GAB2: variants seen among roughly 807,000 people sequenced by gnomAD.
GAB2 encodes GRB2-associated-binding protein 2.
A neutral mutation model predicts 65.5 loss-of-function variants in GAB2; 26 were observed. That is an observed-to-expected ratio of 0.40 (90% CI 0.29 to 0.55). The LOEUF is 0.55. GAB2 is among the 20% of genes least tolerant of loss of function. The probability of loss-of-function intolerance (pLI) is 0.53; values close to 1 mark genes in which losing one functional copy is unlikely to be tolerated. For missense variants in GAB2, 884 were observed against 875.8 expected (o/e 1.01, Z -0.12); for synonymous variants, 321 against 329.6 (o/e 0.97, Z 0.28).
intron 1 of GAB2, among the ~76,000 whole-genome samples, chr11:78,299,234 G>C (rs529796155): frequency 6.6e-6 from 1 of 152,202 alleles, no homozygotes; most frequent in Non-Finnish European, 1.5e-5. Context: ...GATTCCAGCT[G>C]TCTTTGAAAT....
At chr11:78,278,360 G>A (rs539887366) in intron 2 of GAB2, among the ~76,000 whole-genome samples, 2 of 151,660 alleles carry the variant, frequency 1.3e-5, no homozygotes, top group South Asian at 2.1e-4. Context: ...GTGAGTCACC[G>A]TGCCCAGTCT....
intron 2 of GAB2, among the ~76,000 whole-genome samples, chr11:78,252,110 C>T (rs993184209): frequency 4.6e-5 from 7 of 152,244 alleles, no homozygotes; most frequent in Admixed American, 1.3e-4. Context: ...TCACCTTCTA[C>T]GCCCTGTCAT....
intron 3 of GAB2, among the ~76,000 whole-genome samples, chr11:78,245,013 T>C (rs960116130): frequency 6.6e-6 from 1 of 152,212 alleles, no homozygotes; most frequent in Non-Finnish European, 1.5e-5. Context: ...TTAGTCACGA[T>C]AGCCAAGATA....
intron 1 of GAB2, among the ~76,000 whole-genome samples, chr11:78,318,775 A>C (rs1274468528): frequency 6.6e-6 from 1 of 152,150 alleles, no homozygotes; most frequent in Non-Finnish European, 1.5e-5. Flanking sequence ...ACTGGCATAA[A>C]AGTTAATCTG....
chr11:78,252,191 A>T (rs1453475494), intron 2 of GAB2, among the ~76,000 whole-genome samples: 1 of 152,204 alleles, frequency 6.6e-6, no homozygotes. Flanking sequence ...GCTCTACAGT[A>T]TTAATTACTC....
chr11:78,335,997 A>G (rs958930019), intron 1 of GAB2, among the ~76,000 whole-genome samples: 2 of 152,036 alleles, frequency 1.3e-5, no homozygotes, highest in African/African-American at 2.4e-5. Flanking sequence ...TGTGGCTACT[A>G]TAAATGGGAT....
At chr11:78,386,577 C>T (rs1302651193) in intron 1 of GAB2, among the ~76,000 whole-genome samples, 2 of 152,208 alleles carry the variant, frequency 1.3e-5, no homozygotes, top group Non-Finnish European at 2.9e-5. Flanking sequence ...TAAAGGGAGG[C>T]CTGTCCTTAT....
intron 1 of GAB2, among the ~76,000 whole-genome samples, chr11:78,345,606 CTG>C (rs1446226047): frequency 6.6e-6 from 1 of 152,202 alleles, no homozygotes; most frequent in African/African-American, 2.4e-5. Context: ...CACCATTAAA[CTG>C]TGCAGAATAG....
intron 3 of GAB2, among the ~76,000 whole-genome samples, chr11:78,236,251 T>C (rs114500524): frequency 0.017 from 2,514 of 152,342 alleles, 72 homozygotes; most frequent in African/African-American, 0.057. Flanking sequence ...GTTCACTGCA[T>C]ACTGTAAAAC....
At chr11:78,278,169 G>A (rs777025128) in intron 2 of GAB2, among the ~76,000 whole-genome samples, 4 of 149,962 alleles carry the variant, frequency 2.7e-5, no homozygotes, top group African/African-American at 4.9e-5. Flanking sequence ...TCCCAGGTTC[G>A]AGCGATTCTT....
At chr11:78,238,639 A>G (rs1336653643) in intron 3 of GAB2, among the ~76,000 whole-genome samples, 1 of 152,164 alleles carries the variant, frequency 6.6e-6, no homozygotes, top group Non-Finnish European at 1.5e-5. Context: ...CTAACTCAAA[A>G]TGGATCAAAG....
chr11:78,256,435 G>C (rs1042972992), intron 2 of GAB2, among the ~76,000 whole-genome samples: 1 of 152,158 alleles, frequency 6.6e-6, no homozygotes, highest in African/African-American at 2.4e-5. Context: ...GAAATATCTA[G>C]AAGAGGCAAA....
chr11:78,336,035 C>T (rs1181242895), intron 1 of GAB2, among the ~76,000 whole-genome samples: 2 of 150,672 alleles, frequency 1.3e-5, no homozygotes, highest in South Asian at 2.1e-4. Context: ...TTTTCCAGGT[C>T]GGGCATGGTG....
At chr11:78,317,558 C>CAAAAAAAAA (rs370515492) in intron 1 of GAB2, among the ~76,000 whole-genome samples, 2 of 60,816 alleles carry the variant, frequency 3.3e-5, no homozygotes, top group Non-Finnish European at 6.5e-5. Flanking sequence ...GACTCCGTCT[C>CAAAAAAAAA]AAAAAAAAAA....
Position 78,215,799 on chromosome 11 carries a change from A to C in GAB2, c.*3473T>G, listed in dbSNP as rs1864106933. The C allele has an allele frequency of 6.6e-6, 1 of 152,658 alleles. No individual in the cohort carries two copies. The highest frequency in any genetic ancestry group is 2.1e-4 in the South Asian group (1 of 4,832). 9.5% of individuals were successfully genotyped at this position (152,658 alleles called of 1,614,324 possible). On this transcript the variant is annotated 3_prime_UTR_variant, in exon 10 of 10. Transcript: ENST00000361507. ...CCACGGAAGGGCTTTAGCGCTCCTG[A>C]GACCAGTCTGGCTTCCCCTGCATTT...
intron 1 of GAB2, among the ~76,000 whole-genome samples, chr11:78,370,332 T>C (rs1337596384): frequency 1.3e-5 from 2 of 152,198 alleles, no homozygotes; most frequent in African/African-American, 2.4e-5. Flanking sequence ...CATGGTTTAT[T>C]TTATCTCACA....
chr11:78,306,388 G>A (rs982877791), intron 1 of GAB2, among the ~76,000 whole-genome samples: 6 of 152,002 alleles, frequency 3.9e-5, no homozygotes, highest in Non-Finnish European at 7.4e-5. Context: ...ACGCCGCCAC[G>A]CCCGGCTAAT....
At chr11:78,364,993 T>A (rs1250672658) in intron 1 of GAB2, among the ~76,000 whole-genome samples, 1 of 152,180 alleles carries the variant, frequency 6.6e-6, no homozygotes, top group Non-Finnish European at 1.5e-5. Flanking sequence ...TCATTTTTTT[T>A]ATTTCAACAG....
chr11:78,417,729 C>A lies in GAB2; in HGVS notation c.-9G>T. ...TCGCCGCCGCCGCTCATGCTGCCGG[C>A]CTGGAGCCCCCCGCCGGGTCGCGCG... is the stretch of plus-strand genomic sequence containing the variant. On this transcript the variant is annotated 5_prime_UTR_variant, in exon 1 of 10. Transcript: ENST00000361507. 7.8e-7 allele frequency: 1 copy of A among 1,290,274 alleles called. No homozygotes were observed. The highest frequency in any genetic ancestry group is 1.0e-6 in the Non-Finnish European group (1 of 993,174). The allele number at this position is 1,290,274 out of a possible 1,614,324, so 79.9% of individuals were successfully genotyped here.
Sources: allele counts gnomAD v4.1 joint callset (sites outside exome capture counted in the v4.1 genomes callset), GRCh38; gene constraint gnomAD v4.1.1; transcripts MANE v1.5; gene names NCBI Gene and HGNC (gene_info 2026-07-23, HGNC 2026-07-21).